ZNF600: variants seen among roughly 807,000 people sequenced by gnomAD.
ZNF600 encodes the protein zinc finger protein 600.
ZNF600 carries 4 observed loss-of-function variants against 7.3 expected under a neutral mutation model. The ratio of observed to expected loss-of-function variants is 0.55; its 90% CI spans 0.27 to 1.25. The LOEUF is 1.25. Ranked by LOEUF, ZNF600 falls within the 50% of genes most tolerant of loss-of-function variation. The probability of loss-of-function intolerance (pLI) is 0.12; values close to 1 mark genes in which losing one functional copy is unlikely to be tolerated. For synonymous variants in ZNF600, 290 were observed against 308.9 expected, an observed-to-expected ratio of 0.94 and a Z score of 0.64; for missense variants, 911 against 922.1, an observed-to-expected ratio of 0.99 and a Z score of 0.16.
chr19:52,776,155 G>C (rs1407239917), intron 2 of ZNF600, among the ~76,000 whole-genome samples: 7 of 148,494 alleles, frequency 4.7e-5, no homozygotes, highest in South Asian at 2.1e-4. Context: ...TGTACTTGGA[G>C]ACAAGTGCAT....
At chr19:52,765,666 T>C (rs2062563828) in exon 4 of ZNF600, 1 of 1,613,926 alleles carries the variant, frequency 6.2e-7, no homozygotes, top group Non-Finnish European at 8.5e-7. Context: ...GCCACACTCA[T>C]TACACTTGTA....
the ZNF600 span, chr19:52,808,054 A>G: frequency 6.2e-7 from 1 of 1,613,596 alleles, no homozygotes; most frequent in Non-Finnish European, 8.5e-7. Context: ...ATCCCTGTAA[A>G]GAGTCCTCTG....
chr19:52,828,033 T>C, the ZNF600 span, among the ~76,000 whole-genome samples: 1 of 152,004 alleles, frequency 6.6e-6, no homozygotes, highest in Non-Finnish European at 1.5e-5. Context: ...ACAGGCACTT[T>C]GTGATTTTTT....
At chr19:52,818,749 G>T in the ZNF600 span, among the ~76,000 whole-genome samples, 2 of 151,016 alleles carry the variant, frequency 1.3e-5, no homozygotes, top group Admixed American at 1.3e-4. Context: ...AGGGTGTGGT[G>T]GCACACACCT....
chr19:52,799,923 C>T, the ZNF600 span: 7 of 1,613,724 alleles, frequency 4.3e-6, no homozygotes, highest in African/African-American at 4.0e-5. Flanking sequence ...GAAGGTCTTG[C>T]CACACTCATT....
chr19:52,809,822 A>AGGCAACAGC, the ZNF600 span: 1 of 527,246 alleles, frequency 1.9e-6, no homozygotes, highest in Non-Finnish European at 3.3e-6. Flanking sequence ...TGAGCGGCGA[A>AGGCAACAGC]GGCGGCGGCG....
At chr19:52,786,293 A>G (rs368157659) in intron 1 of ZNF600, among the ~76,000 whole-genome samples, 6 of 152,066 alleles carry the variant, frequency 3.9e-5, no homozygotes, top group Non-Finnish European at 4.4e-5. Context: ...CGGCACCCTA[A>G]GACAAAGGTG....
the ZNF600 span, among the ~76,000 whole-genome samples, chr19:52,794,581 C>A: frequency 6.6e-6 from 1 of 152,150 alleles, no homozygotes; most frequent in African/African-American, 2.4e-5. Context: ...ATGGGCCGGG[C>A]ATGGCGGCTC....
chr19:52,798,328 T>G, the ZNF600 span: 8 of 319,024 alleles, frequency 2.5e-5, no homozygotes, highest in South Asian at 2.2e-4. Context: ...CAGTTTAATG[T>G]CAATTAATGC....
At chr19:52,812,762 T>TCAAA in the ZNF600 span, among the ~76,000 whole-genome samples, 1 of 75,398 alleles carries the variant, frequency 1.3e-5, no homozygotes, top group Admixed American at 1.5e-4. Flanking sequence ...GAATGATCAA[T>TCAAA]AAAAAAAAAA....
chr19:52,783,822 C>G (rs1460569822), intron 1 of ZNF600, among the ~76,000 whole-genome samples: 1 of 152,000 alleles, frequency 6.6e-6, no homozygotes, highest in African/African-American at 2.4e-5. Context: ...CGGAGTTTCG[C>G]TCTTGTTGCC....
chr19:52,784,411 A>ATAAACTAAT (rs1415112098), intron 1 of ZNF600, among the ~76,000 whole-genome samples: 2 of 152,126 alleles, frequency 1.3e-5, no homozygotes, highest in Admixed American at 1.3e-4. Context: ...GTCTCAAAAT[A>ATAAACTAAT]TAAACTAATT....
In ZNF600 at chr19:52,776,713, A is replaced by C. The variant is rs549550808; in HGVS notation, c.64-2012T>G. Among the ~76,000 whole-genome samples, 5 of 152,314 alleles carry C rather than the reference A, an allele frequency of 3.3e-5. No homozygotes were observed. The East Asian group carries it at 9.6e-4, about 29-fold the overall frequency. ...ATCATTACAATTATTATAAAAAATAAAACTTATTGCAAATGAAAAATACTT... is the reference window on the plus strand; with the variant it reads ...ATCATTACAATTATTATAAAAAATACAACTTATTGCAAATGAAAAATACTT... On this transcript the variant is annotated intron_variant, in intron 2 of 3. Coordinates refer to ENST00000648973, the Ensembl canonical transcript of ZNF600.
exon 4 of ZNF600, chr19:52,766,359 C>G: frequency 6.2e-7 from 1 of 1,614,140 alleles, no homozygotes; most frequent in Non-Finnish European, 8.5e-7. Flanking sequence ...TGGTTTCTCT[C>G]CGGTGTGAAT....
the ZNF600 span, chr19:52,798,165 A>G: frequency 6.3e-6 from 1 of 157,570 alleles, no homozygotes. Context: ...GAAAGAATAG[A>G]AATGAAAACA....
intron 1 of ZNF600, among the ~76,000 whole-genome samples, chr19:52,784,761 C>T (rs1287955376): frequency 6.6e-6 from 1 of 152,182 alleles, no homozygotes; most frequent in Admixed American, 6.5e-5. Context: ...CAGGGTCTTG[C>T]TCTTTTGACC....
the ZNF600 span, chr19:52,810,150 G>A: frequency 2.2e-6 from 2 of 918,552 alleles, no homozygotes; most frequent in East Asian, 2.4e-5. Flanking sequence ...CCCGGGGCTG[G>A]AAGCTATCGA....
intron 3 of ZNF600, among the ~76,000 whole-genome samples, chr19:52,768,065 C>T (rs1296463242): frequency 6.6e-6 from 1 of 151,340 alleles, no homozygotes; most frequent in Non-Finnish European, 1.5e-5. Flanking sequence ...AAGTGTATCA[C>T]AATTTGCAAA....
chr19:52,778,292 G>A (rs1304231111), intron 2 of ZNF600, among the ~76,000 whole-genome samples: 1 of 151,432 alleles, frequency 6.6e-6, no homozygotes, highest in Non-Finnish European at 1.5e-5. Flanking sequence ...GGTATTACAG[G>A]TGTGAGCACC....
Sources: gnomAD v4.1 joint callset for allele counts (sites outside exome capture counted in the v4.1 genomes callset) on GRCh38, gnomAD v4.1.1 for gene constraint, MANE v1.5 for transcripts, NCBI Gene and HGNC (gene_info 2026-07-23, HGNC 2026-07-21) for gene names.